Variants in EMC2 observed in about 807,000 individuals in gnomAD.
The protein encoded by EMC2 is TPR repeat protein 35.
A neutral mutation model predicts 51.6 loss-of-function variants in EMC2; 37 were observed. The ratio of observed to expected loss-of-function variants is 0.72; its 90% CI spans 0.55 to 0.94. The LOEUF (loss-of-function observed/expected upper bound fraction) is 0.94, where lower values mean the gene tolerates loss of function less well. EMC2 is among the 40% of genes least tolerant of loss of function. The pLI, the probability that EMC2 is intolerant of heterozygous loss-of-function variation, is 0.00. For missense variants in EMC2, 359 were observed against 350.9 expected, an observed-to-expected ratio of 1.02 and a Z score of -0.18; for synonymous variants, 131 against 112.4, an observed-to-expected ratio of 1.17 and a Z score of -1.04.
Position 108,476,844 on chromosome 8 carries a change from A to G in EMC2, c.654A>G (p.Ala218=). ...LELSRKYFAQ[A]LKLNNRNMRA... is the part of the protein sequence containing the mutation. ...TTTCAAGAAAGTATTTTGCACAGGC[A>G]TTGAAACTGAACAACAGAAATATGA... Residue 218 remains alanine, a synonymous_variant, in exon 9 of 11, where the codon GCA becomes GCG. Transcript: ENST00000220853. The G allele has an allele frequency of 6.2e-7, 1 of 1,606,158 alleles. No homozygotes were observed. Among genetic ancestry groups the G allele is most frequent in the Non-Finnish European group, 8.5e-7 (1 of 1,173,444 alleles).
At chr8:108,469,255 TG>T in intron 5 of EMC2, among the ~76,000 whole-genome samples, 1 of 152,226 alleles carries the variant, frequency 6.6e-6, no homozygotes, top group Non-Finnish European at 1.5e-5. Flanking sequence ...TAAATGGCAT[TG>T]ATTTTTATGT....
intron 5 of EMC2, among the ~76,000 whole-genome samples, chr8:108,457,380 A>G (rs1233119305): frequency 2.1e-5 from 3 of 143,856 alleles, no homozygotes; most frequent in Non-Finnish European, 3.0e-5. Flanking sequence ...GTGTCTATGT[A>G]TTAGTCCATT....
chr8:108,449,258 G>A lies in EMC2; in HGVS notation c.41-565G>A, dbSNP rs149470633. 2.0e-3 allele frequency among the ~76,000 whole-genome samples: 300 copies of A among 148,222 alleles called. 1 individual carries two copies. Among genetic ancestry groups the A allele is most frequent in the South Asian group, 3.7e-3 (17 of 4,588 alleles). ...CTCCTGAGTAGCTGGGACCACAGGC[G>A]GGTGCCACCATGCTGCCTTTTTTTT... On this transcript the variant is annotated intron_variant, in intron 1 of 10. Coordinates refer to ENST00000220853, the MANE Select transcript of EMC2 (RefSeq NM_014673.5).
chr8:108,488,978 T>C lies in EMC2; in HGVS notation c.*2380T>C, dbSNP rs1355351937. Among the ~76,000 whole-genome samples the C allele has an allele frequency of 6.6e-6, 1 of 152,202 alleles. No individual in the cohort carries two copies. The highest frequency in any genetic ancestry group is 1.5e-5 in the Non-Finnish European group (1 of 68,026). On this transcript the variant is annotated 3_prime_UTR_variant, in exon 11 of 11. Transcript: ENST00000220853. Reference sequence around the variant, plus strand: ...ACAGTCATTGCCTCTTTCTCCTCTTTCTGGCCAACAGCATGCCTAAAGGTG... The same window carrying C: ...ACAGTCATTGCCTCTTTCTCCTCTTCCTGGCCAACAGCATGCCTAAAGGTG...
intron 7 of EMC2, among the ~76,000 whole-genome samples, chr8:108,470,481 CAA>C (rs909305574): frequency 2.0e-5 from 3 of 152,046 alleles, no homozygotes; most frequent in African/African-American, 7.2e-5. Flanking sequence ...TTCTTATATA[CAA>C]AGAGTATTAT....
intron 5 of EMC2, among the ~76,000 whole-genome samples, chr8:108,459,102 A>G (rs1206314677): frequency 1.3e-5 from 2 of 152,188 alleles, no homozygotes; most frequent in Non-Finnish European, 2.9e-5. Flanking sequence ...CCAGTTTCCA[A>G]CAAGTTCCTC....
rs1026182288 is a variant in EMC2, at chr8:108,486,936, C to T, written c.*338C>T. 16 of 169,342 alleles carry T rather than the reference C, an allele frequency of 9.4e-5. No individual in the cohort carries two copies. Among genetic ancestry groups the T allele is most frequent in the Admixed American group, 1.9e-4 (3 of 15,746 alleles). The allele number at this position is 169,342 out of a possible 1,614,324, so 10.5% of individuals were successfully genotyped here. ...AACTTGCATATGAAGATTCTAACTTCATTTTGTTATACTCACAGTGGATAT... is the reference window on the plus strand; with the variant it reads ...AACTTGCATATGAAGATTCTAACTTTATTTTGTTATACTCACAGTGGATAT... On this transcript the variant is annotated 3_prime_UTR_variant, in exon 11 of 11. Coordinates refer to ENST00000220853, the MANE Select transcript of EMC2 (RefSeq NM_014673.5).
At position 108,447,444 on chromosome 8, in the gene EMC2, T is replaced by G. The variant is rs558608530; in HGVS notation, c.41-2379T>G. Among the ~76,000 whole-genome samples, 23 of 152,318 alleles carry G rather than the reference T, an allele frequency of 1.5e-4. No homozygotes were observed. In the East Asian group the frequency reaches 2.7e-3, roughly 18 times the overall value. On this transcript the variant is annotated intron_variant, in intron 1 of 10. Transcript: ENST00000220853. ...TATGGGACCATGAATAATTTAAAATTTATTATCCTGTAATTATCAACCTTT... is the reference window on the plus strand; with the variant it reads ...TATGGGACCATGAATAATTTAAAATGTATTATCCTGTAATTATCAACCTTT...
intron 5 of EMC2, among the ~76,000 whole-genome samples, chr8:108,456,332 CAAAAAAAAAAAAAAAGA>C (rs1200728269): frequency 4.2e-5 from 1 of 23,612 alleles, no homozygotes; most frequent in African/African-American, 1.9e-4. Flanking sequence ...GACTTCGTGT[CAAAAAAAAAAAAAAAGA>C]AAAAAAAAAA....
intron 3 of EMC2, among the ~76,000 whole-genome samples, chr8:108,451,531 A>G (rs993139035): frequency 4.6e-5 from 7 of 152,250 alleles, no homozygotes; most frequent in Non-Finnish European, 1.0e-4. Context: ...TCACATCTGA[A>G]TTAGTATTGT....
At chr8:108,466,561 C>T (rs1819473073) in intron 5 of EMC2, among the ~76,000 whole-genome samples, 1 of 150,510 alleles carries the variant, frequency 6.6e-6, no homozygotes, top group Admixed American at 6.7e-5. Context: ...CAAGCGATCT[C>T]CCACCTCAGC....
chr8:108,447,300 G>A (rs1352008490), intron 1 of EMC2, among the ~76,000 whole-genome samples: 2 of 144,196 alleles, frequency 1.4e-5, no homozygotes. Context: ...TGAAAAATAC[G>A]TCTTCTGGAG....
intron 1 of EMC2, 66 bp from the exon 2 acceptor site, chr8:108,449,757 A>G (rs949419034): frequency 7.8e-6 from 5 of 643,938 alleles, no homozygotes; most frequent in African/African-American, 1.9e-5. Flanking sequence ...GGTTTTTGAC[A>G]TCTATCGGAT....
intron 1 of EMC2, among the ~76,000 whole-genome samples, chr8:108,449,597 T>C (rs954416914): frequency 6.6e-6 from 1 of 152,106 alleles, no homozygotes; most frequent in South Asian, 2.1e-4. Context: ...AAGATAGTCA[T>C]AATACCAGTT....
At chr8:108,481,158 G>A (rs561154497) in intron 10 of EMC2, among the ~76,000 whole-genome samples, 3 of 152,114 alleles carry the variant, frequency 2.0e-5, no homozygotes, top group Admixed American at 6.6e-5. Context: ...ACCTGTGGGC[G>A]TGGGTTCTGT....
chr8:108,486,431 A>G (rs760636506), intron 10 of EMC2, 81 bp from the exon 11 acceptor site: 343 of 1,440,072 alleles, frequency 2.4e-4, no homozygotes, highest in Non-Finnish European at 3.0e-4. Flanking sequence ...GTTAAGTTTC[A>G]TTAACAGTGT....
chr8:108,472,075 G>C (rs1810867621), intron 7 of EMC2, among the ~76,000 whole-genome samples: 1 of 151,886 alleles, frequency 6.6e-6, no homozygotes, highest in Non-Finnish European at 1.5e-5. Flanking sequence ...TTTAAATACT[G>C]ACTTCTTAAA....
Position 108,481,266 on chromosome 8 carries a change from A to C in EMC2, c.807+2156A>C, listed in dbSNP as rs77756551. ...ACAAATGTAGTGCCTCCATAATCAC[A>C]TCATTGAAAGTCACCTTTGTGTATT... On this transcript the variant is annotated intron_variant, in intron 10 of 10. Coordinates refer to ENST00000220853, the MANE Select transcript of EMC2 (RefSeq NM_014673.5). Among the ~76,000 whole-genome samples the C allele has an allele frequency of 2.6e-4, 40 of 152,266 alleles. 1 individual carries two copies. In the East Asian group the frequency reaches 7.1e-3, roughly 27 times the overall value.
At chr8:108,444,697 T>A (rs1818835602) in intron 1 of EMC2, among the ~76,000 whole-genome samples, 1 of 152,244 alleles carries the variant, frequency 6.6e-6, no homozygotes, top group Non-Finnish European at 1.5e-5. Context: ...AATTTCTTTG[T>A]ACTTGAACTG....
Sources: gnomAD v4.1 joint callset for allele counts (sites outside exome capture counted in the v4.1 genomes callset) on GRCh38, gnomAD v4.1.1 for gene constraint, MANE v1.5 for transcripts, NCBI Gene and HGNC (gene_info 2026-07-23, HGNC 2026-07-21) for gene names.